LOXHD1: variants seen among roughly 807,000 people sequenced by gnomAD.
LOXHD1 encodes lipoxygenase homology domain-containing protein 1.
LOXHD1 carries 205 observed loss-of-function variants against 248.2 expected under a neutral mutation model. That is an observed-to-expected ratio of 0.83 (90% CI 0.74 to 0.93). The LOEUF (loss-of-function observed/expected upper bound fraction) is 0.93. LOXHD1 is among the 40% of genes least tolerant of loss of function. The pLI, the probability that LOXHD1 is intolerant of heterozygous loss-of-function variation, is 0.00. For synonymous variants in LOXHD1, 1,113 were observed against 1,162.8 expected, an observed-to-expected ratio of 0.96 and a Z score of 0.87; for missense variants, 2,930 against 2,971.6, an observed-to-expected ratio of 0.99 and a Z score of 0.33.
At chr18:46,633,326 T>C (rs1438888281) in intron 4 of LOXHD1, among the ~76,000 whole-genome samples, 1 of 152,180 alleles carries the variant, frequency 6.6e-6, no homozygotes, top group Non-Finnish European at 1.5e-5. Flanking sequence ...CTATCATATA[T>C]ATAGTCAAAT....
At position 46,483,059 on chromosome 18, in the gene LOXHD1, C is replaced by A. The variant is rs559252844; in HGVS notation, c.6341+528G>T. Among the ~76,000 whole-genome samples, 6 of 152,262 alleles carry A rather than the reference C, an allele frequency of 3.9e-5. No individual in the cohort carries two copies. In the South Asian group the frequency reaches 1.2e-3, roughly 32 times the overall value. On this transcript the variant is annotated intron_variant, in intron 40 of 40. Coordinates refer to ENST00000642948, the MANE Select transcript of LOXHD1 (RefSeq NM_001384474.1). ...CCAGGTAACTAAGACCCTTAATCTTCCAGAAATGTCTGAGTCTCCAGAAGG... is the reference window on the plus strand; with the variant it reads ...CCAGGTAACTAAGACCCTTAATCTTACAGAAATGTCTGAGTCTCCAGAAGG...
chr18:46,639,352 C>T (rs148768074), intron 4 of LOXHD1, among the ~76,000 whole-genome samples: 71 of 152,354 alleles, frequency 4.7e-4, no homozygotes, highest in African/African-American at 1.6e-3. Flanking sequence ...AGGATTTGCT[C>T]AGGGCTGTGC....
At chr18:46,551,572 C>T (rs1323784286) in intron 21 of LOXHD1, among the ~76,000 whole-genome samples, 2 of 152,078 alleles carry the variant, frequency 1.3e-5, no homozygotes, top group Non-Finnish European at 2.9e-5. Context: ...TATGACATCA[C>T]TATTAATAAA....
intron 37 of LOXHD1, among the ~76,000 whole-genome samples, chr18:46,499,902 C>T (rs559871887): frequency 6.6e-6 from 1 of 152,034 alleles, no homozygotes. Context: ...ACAAATGAGG[C>T]CTCATGTTTC....
intron 29 of LOXHD1, among the ~76,000 whole-genome samples, chr18:46,527,663 C>A (rs1223143694): frequency 2.0e-5 from 3 of 152,078 alleles, no homozygotes; most frequent in Non-Finnish European, 4.4e-5. Flanking sequence ...ATCACTTGAC[C>A]TTTTTGGCAT....
intron 2 of LOXHD1, among the ~76,000 whole-genome samples, chr18:46,645,620 G>A (rs1163545465): frequency 6.7e-6 from 1 of 150,194 alleles, no homozygotes; most frequent in Non-Finnish European, 1.5e-5. Context: ...TGCTGTGGGT[G>A]CTTAACTGGG....
chr18:46,505,771 G>T, intron 37 of LOXHD1, 67 bp downstream of exon 37: 1 of 1,507,088 alleles, frequency 6.6e-7, no homozygotes, highest in Non-Finnish European at 9.0e-7. Flanking sequence ...TGCCAGGGAG[G>T]GAATAATGGC....
At chr18:46,592,740 T>G (rs1012502519) in intron 10 of LOXHD1, among the ~76,000 whole-genome samples, 156 bp from the exon 11 acceptor site, 1 of 152,190 alleles carries the variant, frequency 6.6e-6, no homozygotes, top group Non-Finnish European at 1.5e-5. Context: ...ATATTTTATC[T>G]TCTCATGACC....
intron 26 of LOXHD1, among the ~76,000 whole-genome samples, chr18:46,537,902 CTA>C (rs777502897): frequency 6.6e-6 from 1 of 152,186 alleles, no homozygotes; most frequent in Non-Finnish European, 1.5e-5. Context: ...CTTTATGCCT[CTA>C]GTGTTCCCAA....
Position 46,594,429 on chromosome 18 carries a change from G to A in LOXHD1, c.1172C>T (p.Thr391Ile), listed in dbSNP as rs2038226204. The change falls in exon 9 of 41, where the codon ACC becomes ATC. Residue 391 changes from threonine to isoleucine, a missense_variant. By Grantham distance (89) the Thr-to-Ile change is moderately conservative. Coordinates refer to ENST00000642948, the MANE Select transcript of LOXHD1 (RefSeq NM_001384474.1). ...ILCPFTGIQQTFPCSNWLDEK... is the reference protein window; with the variant it reads ...ILCPFTGIQQIFPCSNWLDEK... The stretch of plus-strand genomic sequence containing the variant: ...ATCCAGCCAGTTGCTACAAGGGAAG[G>A]TCTGCTGGATACCAGTGAAGGGGCA... 1.2e-5 allele frequency: 19 copies of A among 1,551,626 alleles called. No homozygotes were observed. The highest frequency in any genetic ancestry group is 1.7e-5 in the Non-Finnish European group (19 of 1,146,992).
intron 4 of LOXHD1, among the ~76,000 whole-genome samples, chr18:46,620,113 G>A (rs912241237): frequency 3.9e-5 from 6 of 152,190 alleles, no homozygotes; most frequent in African/African-American, 1.4e-4. Flanking sequence ...GAGCCATGTT[G>A]TTTGTAAGGA....
chr18:46,515,843 C>G (rs1244487350), intron 34 of LOXHD1, among the ~76,000 whole-genome samples: 1 of 152,208 alleles, frequency 6.6e-6, no homozygotes, highest in Non-Finnish European at 1.5e-5. Context: ...CCAGAATGGT[C>G]AGGACTTGGG....
intron 19 of LOXHD1, 40 bp downstream of exon 19, chr18:46,560,043 G>GCCCCCCCCCCCCC: frequency 7.1e-7 from 1 of 1,401,430 alleles, no homozygotes; most frequent in Non-Finnish European, 9.8e-7. Context: ...GAACTGTCTG[G>GCCCCCCCCCCCCC]CCACTCCCTC....
chr18:46,482,399 G>A (rs573813994), intron 40 of LOXHD1, among the ~76,000 whole-genome samples: 12 of 152,184 alleles, frequency 7.9e-5, no homozygotes, highest in Non-Finnish European at 1.3e-4. Flanking sequence ...TCTCTGCCAC[G>A]TGAGGACACA....
intron 38 of LOXHD1, among the ~76,000 whole-genome samples, chr18:46,487,533 C>G (rs747113770): frequency 6.6e-6 from 1 of 152,194 alleles, no homozygotes; most frequent in African/African-American, 2.4e-5. Context: ...CCACGGTTTA[C>G]GCTGAGGAGC....
At chr18:46,563,328 G>A (rs373926897) in intron 17 of LOXHD1, 103 bp from the exon 18 acceptor site, 93 of 1,167,120 alleles carry the variant, frequency 8.0e-5, no homozygotes, top group Non-Finnish European at 9.8e-5. Flanking sequence ...GGTGCCTGGC[G>A]CTTTACAGTC....
At chr18:46,646,144 T>C (rs1018127544) in intron 2 of LOXHD1, among the ~76,000 whole-genome samples, 5 of 151,864 alleles carry the variant, frequency 3.3e-5, no homozygotes, top group Non-Finnish European at 7.4e-5. Flanking sequence ...CCCCTGGAGG[T>C]TTGGGTTTGG....
At chr18:46,586,881 A>G (rs1032093905) in intron 12 of LOXHD1, among the ~76,000 whole-genome samples, 2 of 152,246 alleles carry the variant, frequency 1.3e-5, no homozygotes, top group African/African-American at 4.8e-5. Context: ...TAATATGACC[A>G]TTTTATTTGG....
rs139408804 is a variant in LOXHD1, at chr18:46,572,322, T to C, written c.1971-160A>G. The stretch of plus-strand genomic sequence containing the variant: ...TCTAGCAAAACATCCTAGCCTGGAG[T>C]GGGAAAGGAGGACTTCCCGGAGGCA... On this transcript the variant is annotated intron_variant, in intron 14 of 40. Transcript: ENST00000642948. Among the ~76,000 whole-genome samples the C allele has an allele frequency of 4.5e-3, 684 of 152,148 alleles. 2 individuals are homozygous for C. The highest frequency in any genetic ancestry group is 0.016 in the African/African-American group (654 of 41,504).
Sources: allele counts gnomAD v4.1 joint callset (sites outside exome capture counted in the v4.1 genomes callset), GRCh38; gene constraint gnomAD v4.1.1; transcripts MANE v1.5; gene names NCBI Gene and HGNC (gene_info 2026-07-23, HGNC 2026-07-21).